Variants in USP9X observed in about 807,000 individuals in gnomAD.
USP9X encodes ubiquitin specific peptidase 9 X-linked.
In USP9X, 7 loss-of-function variants were observed where a neutral mutation model predicts 190.3. The ratio of observed to expected loss-of-function variants is 0.04; its 90% CI spans 0.02 to 0.07. The LOEUF is 0.07. USP9X is among the 10% of genes least tolerant of loss of function. The pLI is 1.00. For synonymous variants in USP9X, 645 were observed against 659.5 expected (o/e 0.98, Z 0.34); for missense variants, 1,010 against 1,916.9 (o/e 0.53, Z 8.83).
intron 1 of USP9X, among the ~76,000 whole-genome samples, chrX:41,112,221 C>G (rs747059923): frequency 2.4e-4 from 27 of 112,159 alleles, no homozygotes; most frequent in African/African-American, 8.4e-4. Flanking sequence ...TTTTTAATAC[C>G]GAAAGAACAA....
Position 41,139,310 on chromosome X carries a change from C to T in USP9X, c.655-1346C>T, listed in dbSNP as rs1265683016. Among the ~76,000 whole-genome samples the T allele has an allele frequency of 5.5e-4, 44 of 80,504 alleles. No individual in the cohort carries two copies. In the Admixed American group the frequency reaches 6.3e-3, roughly 12 times the overall value. 69.9% of individuals were successfully genotyped at this position (80,504 alleles called of 115,157 possible). A position where few individuals can be genotyped will look rare whatever the true frequency, so the allele number is the denominator to read the frequency against. Reference sequence around the variant, plus strand: ...AGGAAAACACTATTAAATTGAAATACGTTAATGGGTTTATTAGAGAAACTT... The same window carrying T: ...AGGAAAACACTATTAAATTGAAATATGTTAATGGGTTTATTAGAGAAACTT... On this transcript the variant is annotated intron_variant, in intron 6 of 44. Transcript: ENST00000378308.
chrX:41,198,806 T>C, intron 30 of USP9X, 56 bp downstream of exon 30: 1 of 1,035,328 alleles, frequency 9.7e-7, no homozygotes, highest in Non-Finnish European at 1.3e-6. Flanking sequence ...CAAAGTTGTT[T>C]TCCTGTTTTT....
At position 41,170,425 on chromosome X, in the gene USP9X, G is replaced by A. The variant is rs971188348; in HGVS notation, c.2878-45G>A. The A allele has an allele frequency of 8.5e-6, 10 of 1,183,099 alleles. No individual in the cohort carries two copies. The South Asian group carries it at 1.1e-4, about 13-fold the overall frequency. On this transcript the variant is annotated intron_variant, in intron 19 of 44. Transcript: ENST00000378308. ...TCACTAAGTTTTGTGTTTTGTGTAA[G>A]TATTTTTCCTTGTTTTTGATATTAA...
chrX:41,170,897 T>C (rs1049221680), intron 20 of USP9X, among the ~76,000 whole-genome samples: 1 of 111,871 alleles, frequency 8.9e-6, no homozygotes, highest in East Asian at 2.8e-4. Context: ...TGTATAAATT[T>C]AGAGGAAAAC....
At chrX:41,202,066 G>T (rs1388298680) in intron 31 of USP9X, among the ~76,000 whole-genome samples, 1 of 111,916 alleles carries the variant, frequency 8.9e-6, no homozygotes, top group African/African-American at 3.2e-5. Context: ...CTTCATTTTT[G>T]ATAATAGTTT....
rs746668082 is a variant in USP9X, at chrX:41,124,327, C to T, written c.96+603C>T. Among the ~76,000 whole-genome samples, 6 of 109,740 alleles carry T rather than the reference C, an allele frequency of 5.5e-5. No homozygotes were observed. In the East Asian group the frequency reaches 1.7e-3, roughly 32 times the overall value. ...GGGTGTGGTGGCACGTGCCTATAGT[C>T]CCAGCTGCTCGGGAGGCTGAGGCAG... is the stretch of plus-strand genomic sequence containing the variant. On this transcript the variant is annotated intron_variant, in intron 2 of 44. Coordinates refer to ENST00000378308, the MANE Select transcript of USP9X (RefSeq NM_001039591.3).
chrX:41,148,850 C>T (rs973057973), intron 12 of USP9X, among the ~76,000 whole-genome samples: 1 of 111,463 alleles, frequency 9.0e-6, no homozygotes, highest in African/African-American at 3.3e-5. Flanking sequence ...AATGCCGTTT[C>T]GAATAGAATT....
At position 41,219,443 on chromosome X, in the gene USP9X, A is replaced by AT. The variant is rs748573662; in HGVS notation, c.6565+227dup. 5.2e-3 allele frequency among the ~76,000 whole-genome samples: 513 copies of AT among 98,949 alleles called. 2 individuals carry two copies. The highest frequency in any genetic ancestry group is 0.013 in the African/African-American group (369 of 27,393). The allele number at this position is 98,949 out of a possible 115,157, so 85.9% of individuals were successfully genotyped here. A position where few individuals can be genotyped will look rare whatever the true frequency, so the allele number is the denominator to read the frequency against. ...GACACAGGTCAGAATCTGTGTTTTGATTTTTTTTTTTTTTTAATCTCCTAA... is the reference window on the plus strand; with the variant it reads ...GACACAGGTCAGAATCTGTGTTTTGATTTTTTTTTTTTTTTTAATCTCCTAA... On this transcript the variant is annotated intron_variant, in intron 38 of 44. Transcript: ENST00000378308.
At chrX:41,165,737 A>T in intron 15 of USP9X, 135 bp from the exon 16 acceptor site, 2 of 542,973 alleles carry the variant, frequency 3.7e-6, no homozygotes, top group South Asian at 8.0e-5. Flanking sequence ...GAAATAGGTT[A>T]TTTTGAAAGA....
intron 21 of USP9X, among the ~76,000 whole-genome samples, chrX:41,175,538 T>A (rs1264334864): frequency 9.0e-6 from 1 of 110,635 alleles, no homozygotes; most frequent in East Asian, 2.8e-4. Flanking sequence ...AAAAAAAATT[T>A]AAAAAAGTTC....
chrX:41,191,904 A>G (rs2062939103), intron 26 of USP9X, among the ~76,000 whole-genome samples: 1 of 111,887 alleles, frequency 8.9e-6, no homozygotes, highest in Admixed American at 9.5e-5. Flanking sequence ...GCATAAAAGT[A>G]GAAGATGGTC....
intron 1 of USP9X, among the ~76,000 whole-genome samples, chrX:41,095,332 TC>T (rs975027468): frequency 2.7e-5 from 3 of 111,821 alleles, no homozygotes; most frequent in African/African-American, 6.5e-5. Flanking sequence ...AGCAGGGACT[TC>T]CGGTCAGAGG....
At chrX:41,185,893 A>G (rs546055163) in intron 23 of USP9X, among the ~76,000 whole-genome samples, 1 of 111,109 alleles carries the variant, frequency 9.0e-6, no homozygotes, top group African/African-American at 3.3e-5. Flanking sequence ...ATGCAAACTT[A>G]GTAATATAGA....
chrX:41,114,530 G>GA (rs2062133110), intron 1 of USP9X, among the ~76,000 whole-genome samples: 1 of 100,604 alleles, frequency 9.9e-6, no homozygotes, highest in Non-Finnish European at 2.0e-5. Flanking sequence ...ACCCAGGCTA[G>GA]AGTGCAGTGG....
intron 32 of USP9X, among the ~76,000 whole-genome samples, chrX:41,205,967 T>G (rs1341090753): frequency 9.5e-6 from 1 of 105,428 alleles, no homozygotes; most frequent in African/African-American, 3.5e-5. Context: ...CTTGGCTCAC[T>G]GCAACATCCG....
At chrX:41,225,806 C>G (rs766293558) in intron 41 of USP9X, among the ~76,000 whole-genome samples, 79 of 112,931 alleles carry the variant, frequency 7.0e-4, no homozygotes, top group Middle Eastern at 4.6e-3. Context: ...TTAAGCTTCT[C>G]AATGCATTCT....
At chrX:41,193,909 C>T (rs2062959575) in intron 26 of USP9X, among the ~76,000 whole-genome samples, 1 of 112,063 alleles carries the variant, frequency 8.9e-6, no homozygotes, top group South Asian at 3.7e-4. Flanking sequence ...CTCTAGAAGT[C>T]TGCATTTGCT....
chrX:41,231,158 T>C (rs2239492), intron 44 of USP9X, among the ~76,000 whole-genome samples: 1 of 110,436 alleles, frequency 9.1e-6, no homozygotes, highest in African/African-American at 3.3e-5. Flanking sequence ...TCAGCTCTTG[T>C]GAGGCAGTGG....
At chrX:41,103,089 C>T (rs746192436) in intron 1 of USP9X, among the ~76,000 whole-genome samples, 54 of 112,472 alleles carry the variant, frequency 4.8e-4, no homozygotes, top group East Asian at 8.4e-4. Flanking sequence ...CCACCACGCC[C>T]GGCCTAACTT....
Sources: gnomAD v4.1 joint callset for allele counts (sites outside exome capture counted in the v4.1 genomes callset) on GRCh38, gnomAD v4.1.1 for gene constraint, MANE v1.5 for transcripts, NCBI Gene and HGNC (gene_info 2026-07-23, HGNC 2026-07-21) for gene names.